CRTAC1: variants seen among roughly 807,000 people sequenced by gnomAD.
CRTAC1 encodes the protein acidic secreted protein in cartilage.
Under a neutral mutation model 67.8 loss-of-function variants are expected in CRTAC1, and 37 were observed. The ratio of observed to expected loss-of-function variants is 0.55; its 90% CI spans 0.42 to 0.72. The LOEUF (loss-of-function observed/expected upper bound fraction) is 0.72. Ranked by LOEUF, CRTAC1 falls within the 30% of genes least tolerant of loss-of-function variation. CRTAC1 has a pLI of 0.00. For synonymous variants in CRTAC1, 348 were observed against 371.0 expected (o/e 0.94, Z 0.71); for missense variants, 780 against 931.6 (o/e 0.84, Z 2.12).
chr10:97,880,413 C>T (rs745460838), intron 13 of CRTAC1, 21 bp from the exon 14 acceptor site: 2 of 1,610,036 alleles, frequency 1.2e-6, no homozygotes, highest in African/African-American at 2.7e-5. Context: ...AGGGGAACCA[C>T]TCACCATGAA....
At chr10:98,000,849 C>T (rs552137651) in intron 2 of CRTAC1, among the ~76,000 whole-genome samples, 2 of 152,258 alleles carry the variant, frequency 1.3e-5, no homozygotes, top group Non-Finnish European at 2.9e-5. Context: ...CTGATGTTCC[C>T]ATTATATGGA....
Position 97,895,963 on chromosome 10 carries a change from G to T in CRTAC1, c.1239C>A (p.Asp413Glu), listed in dbSNP as rs558485684. 1.9e-6 allele frequency: 3 copies of T among 1,614,084 alleles called. No individual in the cohort carries two copies. The highest frequency in any genetic ancestry group is 1.7e-5 in the Admixed American group (1 of 60,020). ...RGTGGVVTDF[D>E]GDGMLDLILS... The stretch of plus-strand genomic sequence containing the variant: ...AGATGAGGTCCAGCATCCCGTCTCC[G>T]TCGAAGTCGGTCACCACACCCCCTA... The change falls in exon 10 of 15, where the codon GAC (aspartate) becomes GAA (glutamate). Residue 413 changes from aspartate to glutamate, a missense_variant. Physicochemically the swap from Asp to Glu is conservative, Grantham distance 45. Coordinates refer to ENST00000370597, the MANE Select transcript of CRTAC1 (RefSeq NM_018058.7). This position sits in a 1 kb window ranked among gnomAD's most constrained non-coding sequence, Gnocchi z 4.2.
At chr10:97,896,709 C>T (rs895923285) in intron 9 of CRTAC1, among the ~76,000 whole-genome samples, 200 bp downstream of exon 9, 5 of 152,220 alleles carry the variant, frequency 3.3e-5, no homozygotes, top group Non-Finnish European at 5.9e-5. Context: ...GGACCATCCT[C>T]TCCTCTGCTT....
At chr10:98,002,636 G>A (rs957099019) in intron 2 of CRTAC1, among the ~76,000 whole-genome samples, 5 of 151,828 alleles carry the variant, frequency 3.3e-5, no homozygotes, top group African/African-American at 4.8e-5. Context: ...TCAAAGCTCC[G>A]AATTCCCTCT....
At chr10:97,992,156 T>C (rs1325831292) in intron 2 of CRTAC1, among the ~76,000 whole-genome samples, 3 of 152,150 alleles carry the variant, frequency 2.0e-5, no homozygotes, top group African/African-American at 7.2e-5. Flanking sequence ...CTGCCTCAGC[T>C]ATAGCCTGGT....
chr10:97,889,262 T>A (rs1216841790), intron 11 of CRTAC1, among the ~76,000 whole-genome samples: 1 of 151,052 alleles, frequency 6.6e-6, no homozygotes, highest in Non-Finnish European at 1.5e-5. Flanking sequence ...GTGAGCTGCC[T>A]CAGCCCGCTG....
At chr10:97,994,974 G>A (rs1404434098) in intron 2 of CRTAC1, among the ~76,000 whole-genome samples, 1 of 152,180 alleles carries the variant, frequency 6.6e-6, no homozygotes, top group Non-Finnish European at 1.5e-5. Flanking sequence ...CCCAATCATG[G>A]ACAGCATACA....
chr10:97,933,663 C>T (rs189332228), intron 3 of CRTAC1, among the ~76,000 whole-genome samples: 87 of 152,310 alleles, frequency 5.7e-4, no homozygotes, highest in African/African-American at 1.9e-3. Context: ...GTGAACTTCA[C>T]GAGGGCAGGA....
intron 12 of CRTAC1, among the ~76,000 whole-genome samples, chr10:97,883,036 G>A (rs1230630265): frequency 3.9e-5 from 6 of 152,248 alleles, no homozygotes; most frequent in Non-Finnish European, 8.8e-5. Flanking sequence ...GAATGGATAC[G>A]GTTCAGACTC....
intron 4 of CRTAC1, among the ~76,000 whole-genome samples, chr10:97,919,900 C>T (rs144065650): frequency 2.1e-3 from 308 of 149,438 alleles, no homozygotes; most frequent in African/African-American, 7.4e-3. Flanking sequence ...CCACCACACC[C>T]AGCTAATTTT....
chr10:97,986,508 G>A (rs148767727), intron 2 of CRTAC1, among the ~76,000 whole-genome samples: 172 of 152,284 alleles, frequency 1.1e-3, no homozygotes, highest in African/African-American at 3.7e-3. Context: ...GCAGGATTGC[G>A]AGTGTTTTAT....
At chr10:97,969,225 T>G (rs1278066552) in intron 2 of CRTAC1, among the ~76,000 whole-genome samples, 1 of 152,190 alleles carries the variant, frequency 6.6e-6, no homozygotes, top group African/African-American at 2.4e-5. Context: ...CCCTTGAAAG[T>G]GAGGCTTCTC....
chr10:97,981,684 G>T (rs1023757010), intron 2 of CRTAC1, among the ~76,000 whole-genome samples: 6 of 152,138 alleles, frequency 3.9e-5, no homozygotes, highest in Admixed American at 1.3e-4. Context: ...AAAGGGCTGT[G>T]CATTTTTTAG....
chr10:97,905,433 C>T (rs1263082010), intron 6 of CRTAC1, among the ~76,000 whole-genome samples: 1 of 152,188 alleles, frequency 6.6e-6, no homozygotes, highest in African/African-American at 2.4e-5. Context: ...GTCACTTCCT[C>T]CGGGAAGCCC....
intron 2 of CRTAC1, among the ~76,000 whole-genome samples, chr10:97,958,769 A>G (rs1211974946): frequency 6.6e-6 from 1 of 152,204 alleles, no homozygotes; most frequent in African/African-American, 2.4e-5. Context: ...ATCAGCTCAC[A>G]CACACTTTCT....
At position 97,882,811 on chromosome 10, in the gene CRTAC1, G is replaced by A. The variant is rs1400246699; in HGVS notation, c.1650C>T (p.Ser550=). The A allele has an allele frequency of 6.2e-7, 1 of 1,614,216 alleles. No individual in the cohort carries two copies. The highest frequency in any genetic ancestry group is 1.1e-5 in the South Asian group (1 of 91,084). Residue 550 remains serine (S), a synonymous_variant, in exon 13 of 15, where the codon TCC becomes TCT. Coordinates refer to ENST00000370597, the MANE Select transcript of CRTAC1 (RefSeq NM_018058.7). ...PAPLECGQGF[S]QQENGHCMDT... Reference sequence around the variant, plus strand: ...CCATGCAATGGCCATTTTCCTGCTGGGAGAATCCTTGGCCACACTGTAAGG... The same window carrying A: ...CCATGCAATGGCCATTTTCCTGCTGAGAGAATCCTTGGCCACACTGTAAGG...
intron 13 of CRTAC1, among the ~76,000 whole-genome samples, chr10:97,881,575 C>G (rs12240729): frequency 0.012 from 1,759 of 152,320 alleles, 34 homozygotes; most frequent in African/African-American, 0.04. Flanking sequence ...ATGACACTTG[C>G]TGTGTACGAG....
chr10:98,028,490 G>A (rs1843286633), intron 1 of CRTAC1, among the ~76,000 whole-genome samples: 1 of 152,106 alleles, frequency 6.6e-6, no homozygotes, highest in Admixed American at 6.5e-5. Flanking sequence ...CCCGGTTGGT[G>A]GTATTCTTTC....
At chr10:97,924,306 G>A (rs938441920) in intron 3 of CRTAC1, among the ~76,000 whole-genome samples, 1 of 152,296 alleles carries the variant, frequency 6.6e-6, no homozygotes. Context: ...CCGAATGTTC[G>A]TAGTTTAGGG....
Sources: allele counts gnomAD v4.1 joint callset (sites outside exome capture counted in the v4.1 genomes callset), GRCh38; gene constraint gnomAD v4.1.1; non-coding constraint Gnocchi (gnomAD v3.1); transcripts MANE v1.5; gene names NCBI Gene and HGNC (gene_info 2026-07-23, HGNC 2026-07-21).